Variants in KLF17 observed in about 807,000 individuals in gnomAD.
The protein encoded by KLF17 is KLF transcription factor 17, also known as Krueppel-like factor 17.
In KLF17, 31 loss-of-function variants were observed where a neutral mutation model predicts 34.2. That is an observed-to-expected ratio of 0.91 (90% CI 0.68 to 1.22). The LOEUF is 1.22. Ranked by LOEUF, KLF17 falls within the 50% of genes most tolerant of loss-of-function variation. The pLI is 0.00. For missense variants in KLF17, 478 were observed against 505.2 expected (o/e 0.95, Z 0.52); for synonymous variants, 179 against 186.7 (o/e 0.96, Z 0.34).
the KLF17 span, among the ~76,000 whole-genome samples, chr1:44,090,264 G>A: frequency 1.8e-5 from 2 of 113,494 alleles, no homozygotes. Flanking sequence ...CTCTTGAGGA[G>A]TTCTAGACCA....
chr1:44,099,276 C>T, the KLF17 span, among the ~76,000 whole-genome samples: 2 of 151,636 alleles, frequency 1.3e-5, no homozygotes, highest in African/African-American at 2.4e-5. Flanking sequence ...TGGTGGCTCA[C>T]ACCTGTGGTA....
chr1:44,090,933 CGCACACACACACACACACGCACGCAT>C, the KLF17 span, among the ~76,000 whole-genome samples: 1 of 143,574 alleles, frequency 7.0e-6, no homozygotes, highest in Non-Finnish European at 1.5e-5. Flanking sequence ...CACATGCACA[CGCACACACACACACACACGCACGCAT>C]GCACACACAC....
chr1:44,083,279 G>GA, the KLF17 span, among the ~76,000 whole-genome samples: 2 of 140,700 alleles, frequency 1.4e-5, no homozygotes, highest in Non-Finnish European at 3.2e-5. Context: ...GAATTGAGTA[G>GA]GGTTTTTTTT....
At chr1:44,112,799 G>C in the KLF17 span, among the ~76,000 whole-genome samples, 1 of 152,160 alleles carries the variant, frequency 6.6e-6, no homozygotes, top group Non-Finnish European at 1.5e-5. Context: ...AGTAAAATAG[G>C]GTTAGTAAGG....
chr1:44,074,378 T>C, the KLF17 span, among the ~76,000 whole-genome samples: 1 of 152,170 alleles, frequency 6.6e-6, no homozygotes, highest in Non-Finnish European at 1.5e-5. Flanking sequence ...CCATTGTGGC[T>C]AGCCGCCTTC....
chr1:44,094,601 C>T, the KLF17 span, among the ~76,000 whole-genome samples: 120 of 152,220 alleles, frequency 7.9e-4, no homozygotes, highest in African/African-American at 2.7e-3. Context: ...CAATACTATC[C>T]TCTCCCCAAT....
At position 44,130,592 on chromosome 1, in the gene KLF17, G is replaced by T. The variant is rs761460881; in HGVS notation, c.1006G>T (p.Val336Leu). Reference sequence around the variant, plus strand: ...TGATGAGCTTAGACGACATATGCGGGTACACACCAGATATCGACCATATAA... The same window carrying T: ...TGATGAGCTTAGACGACATATGCGGTTACACACCAGATATCGACCATATAA... ...RSDELRRHMR[V>L]HTRYRPYKCD... The change falls in exon 3 of 4, where the codon GTA becomes TTA. Residue 336 changes from valine to leucine, a missense_variant. Transcript: ENST00000372299. The T allele has an allele frequency of 6.2e-7, 1 of 1,613,952 alleles. No individual in the cohort carries two copies. Among genetic ancestry groups the T allele is most frequent in the East Asian group, 2.2e-5 (1 of 44,870 alleles).
At chr1:44,060,024 G>T in the KLF17 span, among the ~76,000 whole-genome samples, 2 of 152,010 alleles carry the variant, frequency 1.3e-5, no homozygotes, top group African/African-American at 4.8e-5. Context: ...GGCAGCCAAG[G>T]ATAAACATCA....
chr1:44,109,704 C>T, the KLF17 span, among the ~76,000 whole-genome samples: 2 of 152,132 alleles, frequency 1.3e-5, no homozygotes, highest in Non-Finnish European at 1.5e-5. Flanking sequence ...ATCAATCACC[C>T]TTCTTCCAAC....
chr1:44,127,714 TC>T (rs1385558714), intron 1 of KLF17, among the ~76,000 whole-genome samples: 1,968 of 106,654 alleles, frequency 0.018, 73 homozygotes, highest in African/African-American at 0.087. Context: ...CTTTCTTTCT[TC>T]TCTTTTCTTT....
chr1:44,114,905 T>C (rs1178646298), upstream of KLF17: 1 of 152,226 alleles, frequency 6.6e-6, no homozygotes, highest in Admixed American at 6.5e-5. Flanking sequence ...TTAATAAATA[T>C]TGCATTCTAT....
At chr1:44,094,045 C>T in the KLF17 span, among the ~76,000 whole-genome samples, 7 of 152,162 alleles carry the variant, frequency 4.6e-5, no homozygotes, top group South Asian at 4.1e-4. Context: ...AAACAATATT[C>T]GCCAGATGCA....
At chr1:44,073,276 G>A in the KLF17 span, among the ~76,000 whole-genome samples, 2 of 147,724 alleles carry the variant, frequency 1.4e-5, no homozygotes, top group Non-Finnish European at 3.0e-5. Flanking sequence ...GTGCAATTTC[G>A]GCTCACCGCA....
the KLF17 span, among the ~76,000 whole-genome samples, chr1:44,102,983 T>C: frequency 6.6e-6 from 1 of 152,218 alleles, no homozygotes; most frequent in Non-Finnish European, 1.5e-5. Context: ...CTCACTTCCC[T>C]AGAGGATTTG....
intron 1 of KLF17, among the ~76,000 whole-genome samples, chr1:44,119,275 A>G (rs763108198): frequency 4.1e-4 from 63 of 152,094 alleles, no homozygotes; most frequent in African/African-American, 1.5e-3. Flanking sequence ...TATTCCAACA[A>G]TGTTCGCCCA....
the KLF17 span, among the ~76,000 whole-genome samples, chr1:44,087,769 TACACACACAC>T: frequency 7.7e-5 from 4 of 52,286 alleles, no homozygotes; most frequent in East Asian, 5.2e-4. Flanking sequence ...TATATATATA[TACACACACAC>T]ACACACACAC....
the KLF17 span, among the ~76,000 whole-genome samples, chr1:44,079,145 G>A: frequency 6.6e-6 from 1 of 151,818 alleles, no homozygotes; most frequent in African/African-American, 2.4e-5. Context: ...TAATTCATGG[G>A]CAGCTCTATT....
chr1:44,073,280 C>T, the KLF17 span, among the ~76,000 whole-genome samples: 1 of 149,724 alleles, frequency 6.7e-6, no homozygotes, highest in Non-Finnish European at 1.5e-5. Flanking sequence ...AATTTCGGCT[C>T]ACCGCAACCT....
the KLF17 span, among the ~76,000 whole-genome samples, chr1:44,112,142 G>A: frequency 5.3e-5 from 8 of 152,208 alleles, no homozygotes; most frequent in African/African-American, 1.9e-4. Context: ...TTCTCCTGTC[G>A]GTAGGTAGTT....
Sources: gnomAD v4.1 joint callset for allele counts (sites outside exome capture counted in the v4.1 genomes callset) on GRCh38, gnomAD v4.1.1 for gene constraint, MANE v1.5 for transcripts, NCBI Gene and HGNC (gene_info 2026-07-23, HGNC 2026-07-21) for gene names.